Variants in SPTLC1 observed in about 807,000 individuals in gnomAD.
SPTLC1 encodes serine palmitoyltransferase long chain base subunit 1.
A neutral mutation model predicts 68.9 loss-of-function variants in SPTLC1; 55 were observed. The observed-to-expected ratio is 0.80, with a 90% CI of 0.64 to 1.00. The LOEUF is 1.00. SPTLC1 is among the 50% of genes least tolerant of loss of function. The pLI is 0.00. For synonymous variants in SPTLC1, 197 were observed against 201.6 expected, an observed-to-expected ratio of 0.98 and a Z score of 0.19; for missense variants, 449 against 573.1, an observed-to-expected ratio of 0.78 and a Z score of 2.21.
chr9:92,047,064 C>G, intron 11 of SPTLC1, 108 bp downstream of exon 11: 1 of 967,256 alleles, frequency 1.0e-6, no homozygotes, highest in South Asian at 1.3e-5. Flanking sequence ...TATAATGTAA[C>G]TGCAAACCAG....
In SPTLC1 at chr9:92,032,491, CCTT is replaced by C; in HGVS notation, c.1393_1395del (p.Lys465del). The C allele has an allele frequency of 6.2e-7, 1 of 1,614,206 alleles. No homozygotes were observed. The highest frequency in any genetic ancestry group is 8.5e-7 in the Non-Finnish European group (1 of 1,180,032). On this transcript the variant is annotated inframe_deletion, in exon 15 of 15. Transcript: ENST00000262554. ...TAGAGCAGGACGGCCTGGGCTACCT[CCTT>C]GATGGTGGACGCAGCTCTCTCCAGT... is the stretch of plus-strand genomic sequence containing the variant.
Position 92,032,325 on chromosome 9 carries a change from T to C in SPTLC1, c.*140A>G. 2 of 1,550,102 alleles carry C rather than the reference T, an allele frequency of 1.3e-6. No individual in the cohort carries two copies. The highest frequency in any genetic ancestry group is 2.3e-5 in the South Asian group (2 of 85,602). The stretch of plus-strand genomic sequence containing the variant: ...ATCCTTCTCATGGTCACACAATTGG[T>C]CCATACTGACACCATTTGGTAACAA... On this transcript the variant is annotated 3_prime_UTR_variant, in exon 15 of 15. Coordinates refer to ENST00000262554, the MANE Select transcript of SPTLC1 (RefSeq NM_006415.4).
At chr9:92,076,388 A>G (rs1053810898) in intron 5 of SPTLC1, among the ~76,000 whole-genome samples, 1 of 152,166 alleles carries the variant, frequency 6.6e-6, no homozygotes, top group Admixed American at 6.6e-5. Flanking sequence ...ACTCCCCAGT[A>G]TCTGCTCCCA....
intron 8 of SPTLC1, chr9:92,051,136 C>CA: frequency 1.0e-6 from 1 of 984,934 alleles, no homozygotes; most frequent in Non-Finnish European, 1.2e-6. Flanking sequence ...GACACTCTTA[C>CA]AAAAACAAAA....
In SPTLC1 at chr9:92,047,266, T is replaced by A; in HGVS notation, c.987A>T (p.Arg329=). The change falls in exon 11 of 15, where the codon CGA becomes CGT. Residue 329 remains arginine, a splice_region_variant and synonymous_variant. Coordinates refer to ENST00000262554, the MANE Select transcript of SPTLC1 (RefSeq NM_006415.4). ...CGRSFVIDHQ[R]LSGQGYCFSA... is the part of the protein sequence containing the mutation. ...AAAAGCAGTATCCCTGGCCGGAAAG[T>A]CGCTGAGAAGAAACAAATGAAGACA... is the stretch of plus-strand genomic sequence containing the variant. The A allele has an allele frequency of 6.2e-7, 1 of 1,613,878 alleles. No homozygotes were observed. The highest frequency in any genetic ancestry group is 2.2e-5 in the East Asian group (1 of 44,882).
At chr9:92,110,042 T>C (rs1051422024) in intron 2 of SPTLC1, 2 of 152,356 alleles carry the variant, frequency 1.3e-5, no homozygotes, top group East Asian at 1.9e-4. Flanking sequence ...ATATTGACAC[T>C]TTGTAGATGT....
At chr9:92,046,170 C>A in intron 11 of SPTLC1, 117 bp from the exon 12 acceptor site, 1 of 908,468 alleles carries the variant, frequency 1.1e-6, no homozygotes, top group South Asian at 1.4e-5. Context: ...AATCCTTCTA[C>A]ATACTAACAG....
At chr9:92,049,628 G>A (rs1833640177) in intron 9 of SPTLC1, among the ~76,000 whole-genome samples, 1 of 152,114 alleles carries the variant, frequency 6.6e-6, no homozygotes. Flanking sequence ...GACCACTCAG[G>A]AAATTCCTAA....
rs1477418097 is a variant in SPTLC1 at position 92,105,431 on chromosome 9, C to T, written c.260+3309G>A. On this transcript the variant is annotated intron_variant, in intron 3 of 14. Coordinates refer to ENST00000262554, the MANE Select transcript of SPTLC1 (RefSeq NM_006415.4). Reference sequence around the variant, plus strand: ...GAGAAAGAAGAGACAGCAGGGCAGGCGTGGTGGCCCACGCCTGTAATCCAG... The same window carrying T: ...GAGAAAGAAGAGACAGCAGGGCAGGTGTGGTGGCCCACGCCTGTAATCCAG... 9 of 1,428,164 alleles carry T rather than the reference C, an allele frequency of 6.3e-6. No individual in the cohort carries two copies. In the East Asian group the frequency reaches 7.4e-5, roughly 12 times the overall value. 88.5% of individuals were successfully genotyped at this position (1,428,164 alleles called of 1,614,324 possible). A position where few individuals can be genotyped will look rare whatever the true frequency, so the allele number is the denominator to read the frequency against.
chr9:92,045,203 A>G (rs546311748), intron 12 of SPTLC1, among the ~76,000 whole-genome samples: 12 of 152,284 alleles, frequency 7.9e-5, no homozygotes, highest in Non-Finnish European at 1.6e-4. Flanking sequence ...TTAAGTCTCC[A>G]GTTTCCATAT....
In SPTLC1 at chr9:92,038,340, C is replaced by A; in HGVS notation, c.1162G>T (p.Glu388Ter). The change falls in exon 13 of 15, where the codon GAG (glutamate) becomes TAG (stop). Residue 388 changes from glutamate (E) to a stop codon, truncating the protein, a stop_gained. Transcript: ENST00000262554. LOFTEE classifies it high-confidence loss of function. ...AGGTGAAAGGCTGGAGAAAGGGACT[C>A]CCCCACCACTTTTAATCCAGAAATG... ...QGISGLKVVG[E>*]SLSPAFHLQL... 6.2e-7 allele frequency: 1 copy of A among 1,613,494 alleles called. No homozygotes were observed. Among genetic ancestry groups the A allele is most frequent in the Non-Finnish European group, 8.5e-7 (1 of 1,179,470 alleles).
intron 14 of SPTLC1, 141 bp downstream of exon 14, chr9:92,034,669 A>C (rs1833082099): frequency 4.1e-6 from 3 of 726,444 alleles, no homozygotes; most frequent in Non-Finnish European, 7.3e-6. Context: ...TAAGAGCAGA[A>C]GACAGGTAAT....
chr9:92,050,811 A>ATTTTTTTTTTTTTTTTTTTTT (rs370967911), intron 8 of SPTLC1: 1 of 104,954 alleles, frequency 9.5e-6, no homozygotes, highest in African/African-American at 4.7e-5. Flanking sequence ...CACAATACTG[A>ATTTTTTTTTTTTTTTTTTTTT]TTTTTTTTTT....
At chr9:92,046,078 A>C (rs1435500510) in intron 11 of SPTLC1, 25 bp from the exon 12 acceptor site, 1 of 1,599,874 alleles carries the variant, frequency 6.3e-7, no homozygotes, top group East Asian at 2.2e-5. Flanking sequence ...TACGTTTGAG[A>C]GTCTATTTGA....
At chr9:92,038,142 C>G (rs1278097788) in intron 13 of SPTLC1, 106 bp downstream of exon 13, 1 of 824,360 alleles carries the variant, frequency 1.2e-6, no homozygotes, top group Admixed American at 1.7e-5. Flanking sequence ...CTACCCTCTT[C>G]TCTCTCAGGG....
chr9:92,089,723 G>A lies in SPTLC1; in HGVS notation c.261-8760C>T, dbSNP rs145972103. 3.3e-5 allele frequency among the ~76,000 whole-genome samples: 5 copies of A among 152,288 alleles called. No homozygotes were observed. The East Asian group carries it at 7.7e-4, about 23-fold the overall frequency. Reference sequence around the variant, plus strand: ...AAGCTAAAAAATTCCCAGAATTCATGGGAGACAGAAATCCACAGACTGAAG... The same window carrying A: ...AAGCTAAAAAATTCCCAGAATTCATAGGAGACAGAAATCCACAGACTGAAG... On this transcript the variant is annotated intron_variant, in intron 3 of 14. Transcript: ENST00000262554.
intron 6 of SPTLC1, among the ~76,000 whole-genome samples, chr9:92,066,993 AT>A (rs1435540880): frequency 7.3e-4 from 111 of 151,842 alleles, no homozygotes; most frequent in African/African-American, 2.6e-3. Flanking sequence ...AATAAAAAAA[AT>A]TAAAAAATAA....
intron 12 of SPTLC1, among the ~76,000 whole-genome samples, chr9:92,041,398 AAT>A (rs1298152979): frequency 6.6e-6 from 1 of 152,250 alleles, no homozygotes; most frequent in Non-Finnish European, 1.5e-5. Context: ...AGTGCATAAA[AAT>A]AAGAAAACAC....
intron 5 of SPTLC1, among the ~76,000 whole-genome samples, chr9:92,072,933 T>C (rs1324662440): frequency 2.6e-5 from 4 of 151,916 alleles, no homozygotes; most frequent in Non-Finnish European, 5.9e-5. Flanking sequence ...TCTTTACCTG[T>C]TAACCCCTTC....
Sources: gnomAD v4.1 joint callset for allele counts (sites outside exome capture counted in the v4.1 genomes callset) on GRCh38, gnomAD v4.1.1 for gene constraint, MANE v1.5 for transcripts, NCBI Gene and HGNC (gene_info 2026-07-23, HGNC 2026-07-21) for gene names.